Variants in GPC6 observed in about 807,000 individuals in gnomAD.
The protein encoded by GPC6 is glypican-6.
A neutral mutation model predicts 55.2 loss-of-function variants in GPC6; 14 were observed. The observed-to-expected ratio is 0.25, with a 90% CI of 0.17 to 0.40. GPC6 has a LOEUF of 0.40. Ranked by LOEUF, GPC6 falls within the 10% of genes least tolerant of loss-of-function variation. GPC6 has a pLI of 1.00. For missense variants in GPC6, 641 were observed against 708.5 expected (o/e 0.90, Z 1.08); for synonymous variants, 278 against 259.6 (o/e 1.07, Z -0.68).
intron 4 of GPC6, among the ~76,000 whole-genome samples, chr13:94,161,702 G>A (rs1051066082): frequency 6.6e-6 from 1 of 152,090 alleles, no homozygotes; most frequent in Admixed American, 6.6e-5. Flanking sequence ...CACAAGACTA[G>A]GGTGTCAGCT....
At chr13:94,225,666 TAC>T (rs563655815) in intron 4 of GPC6, among the ~76,000 whole-genome samples, 1 of 96,464 alleles carries the variant, frequency 1.0e-5, no homozygotes, top group African/African-American at 3.6e-5. Flanking sequence ...GTGTAAAGTA[TAC>T]ACATATATAT....
chr13:94,019,811 T>C (rs1331839541), intron 3 of GPC6, among the ~76,000 whole-genome samples: 2 of 152,210 alleles, frequency 1.3e-5, no homozygotes, highest in Non-Finnish European at 2.9e-5. Flanking sequence ...AGCGTACAAC[T>C]GTTCATAGCA....
intron 1 of GPC6, among the ~76,000 whole-genome samples, chr13:93,399,636 A>AC (rs1566336686): frequency 1.3e-5 from 2 of 152,050 alleles, no homozygotes; most frequent in East Asian, 3.9e-4. Flanking sequence ...CATGCTGTTG[A>AC]ACATATTTAC....
intron 1 of GPC6, among the ~76,000 whole-genome samples, chr13:93,412,772 G>T (rs1368196236): frequency 6.6e-6 from 1 of 152,162 alleles, no homozygotes; most frequent in African/African-American, 2.4e-5. Context: ...CAAGCATTAT[G>T]TGTAAAATCA....
chr13:93,752,667 G>T (rs540198154), intron 2 of GPC6, among the ~76,000 whole-genome samples: 1 of 152,112 alleles, frequency 6.6e-6, no homozygotes. Flanking sequence ...ATCTGTCAGC[G>T]TGGGTGAGGA....
chr13:93,925,640 C>T (rs150908875), intron 3 of GPC6, among the ~76,000 whole-genome samples: 1 of 152,248 alleles, frequency 6.6e-6, no homozygotes, highest in African/African-American at 2.4e-5. Context: ...TATCCCAAAA[C>T]TTTGTGGCAT....
chr13:93,264,717 A>G (rs1260708345), intron 1 of GPC6, among the ~76,000 whole-genome samples: 1 of 152,174 alleles, frequency 6.6e-6, no homozygotes, highest in African/African-American at 2.4e-5. Flanking sequence ...ACTTTAAATC[A>G]TCTCTACATT....
intron 1 of GPC6, among the ~76,000 whole-genome samples, chr13:93,485,600 A>T (rs1029404753): frequency 1.3e-5 from 2 of 152,172 alleles, no homozygotes; most frequent in Non-Finnish European, 2.9e-5. Flanking sequence ...GTTACCTTGG[A>T]CATGTTCCAA....
chr13:94,293,438 A>G (rs911582720), intron 5 of GPC6, among the ~76,000 whole-genome samples: 4 of 152,180 alleles, frequency 2.6e-5, no homozygotes, highest in Non-Finnish European at 5.9e-5. Flanking sequence ...ACCACCATAT[A>G]AGACACGCCT....
chr13:93,545,362 T>G lies in GPC6; in HGVS notation c.260T>G (p.Val87Gly). ...QQSKLEFENL[V>G]EETSHFVRTT... ...AGCAAACTCGAATTTGAAAACCTTG[T>G]GGAAGAGACAAGCCATTTTGTGCGC... Residue 87 changes from valine (V) to glycine (G), a missense_variant, in exon 2 of 9, where the codon GTG (valine) becomes GGG (glycine). Coordinates refer to ENST00000377047, the MANE Select transcript of GPC6 (RefSeq NM_005708.5). 6.2e-7 allele frequency: 1 copy of G among 1,613,874 alleles called. No individual in the cohort carries two copies. Among genetic ancestry groups the G allele is most frequent in the Non-Finnish European group, 8.5e-7 (1 of 1,179,764 alleles).
intron 2 of GPC6, among the ~76,000 whole-genome samples, chr13:93,817,705 A>G (rs925245675): frequency 3.3e-5 from 5 of 151,974 alleles, no homozygotes; most frequent in Admixed American, 1.3e-4. Flanking sequence ...CAAAAAATAC[A>G]AAAATTAGCC....
At chr13:93,467,894 C>T (rs76352577) in intron 1 of GPC6, among the ~76,000 whole-genome samples, 5,931 of 152,020 alleles carry the variant, frequency 0.039, 142 homozygotes, top group South Asian at 0.069. Flanking sequence ...CCCAGCCAAG[C>T]GGTGATTCTT....
At chr13:94,309,651 G>A (rs971382015) in intron 6 of GPC6, among the ~76,000 whole-genome samples, 1 of 151,728 alleles carries the variant, frequency 6.6e-6, no homozygotes, top group Non-Finnish European at 1.5e-5. Flanking sequence ...AAAGTGGTTT[G>A]TGTTATCCAA....
At chr13:93,834,381 T>C (rs895144526) in intron 3 of GPC6, among the ~76,000 whole-genome samples, 3 of 152,092 alleles carry the variant, frequency 2.0e-5, no homozygotes, top group East Asian at 1.9e-4. Context: ...AGTTCAAAAA[T>C]GTAAAACTAA....
At chr13:93,678,434 A>C (rs1287657767) in intron 2 of GPC6, among the ~76,000 whole-genome samples, 1 of 152,178 alleles carries the variant, frequency 6.6e-6, no homozygotes, top group Non-Finnish European at 1.5e-5. Context: ...CATTTTTAGT[A>C]GTTGTAACAC....
intron 4 of GPC6, among the ~76,000 whole-genome samples, chr13:94,088,222 C>A (rs1885357371): frequency 6.6e-6 from 1 of 152,026 alleles, no homozygotes; most frequent in African/African-American, 2.4e-5. Flanking sequence ...CACAACACAA[C>A]AATGACAATG....
chr13:93,712,616 T>C (rs1289041176), intron 2 of GPC6, among the ~76,000 whole-genome samples: 1 of 151,740 alleles, frequency 6.6e-6, no homozygotes, highest in Non-Finnish European at 1.5e-5. Flanking sequence ...CCTATTAAAA[T>C]AATTTTTGGG....
At chr13:93,721,411 A>T (rs1035592427) in intron 2 of GPC6, among the ~76,000 whole-genome samples, 1 of 151,778 alleles carries the variant, frequency 6.6e-6, no homozygotes, top group African/African-American at 2.4e-5. Flanking sequence ...TTAAAGTAAA[A>T]CTAAGAGAAG....
intron 2 of GPC6, among the ~76,000 whole-genome samples, chr13:93,718,556 G>C (rs1002965880): frequency 2.6e-5 from 4 of 152,036 alleles, no homozygotes; most frequent in African/African-American, 9.7e-5. Context: ...TCTGTAGGTT[G>C]TCTGTTCACT....
Sources: allele counts gnomAD v4.1 joint callset (sites outside exome capture counted in the v4.1 genomes callset), GRCh38; gene constraint gnomAD v4.1.1; transcripts MANE v1.5; gene names NCBI Gene and HGNC (gene_info 2026-07-23, HGNC 2026-07-21).